GRIK2: variants seen among roughly 807,000 people sequenced by gnomAD.
GRIK2 encodes the protein glutamate ionotropic receptor kainate type subunit 2, also known as glutamate receptor ionotropic, kainate 2.
GRIK2 carries 32 observed loss-of-function variants against 100.3 expected under a neutral mutation model. That is an observed-to-expected ratio of 0.32 (90% CI 0.24 to 0.43). GRIK2 has a LOEUF of 0.43. GRIK2 is among the 20% of genes least tolerant of loss of function. GRIK2 has a pLI of 1.00. For synonymous variants in GRIK2, 417 were observed against 389.4 expected (o/e 1.07, Z -0.83); for missense variants, 843 against 1,114.9 (o/e 0.76, Z 3.47).
At position 101,970,232 on chromosome 6, in the gene GRIK2, G is replaced by T. The variant is rs559300286; in HGVS notation, c.2085+41600G>T. On this transcript the variant is annotated intron_variant, in intron 14 of 16. Coordinates refer to ENST00000369134, the MANE Select transcript of GRIK2 (RefSeq NM_021956.5). ...ATTTTTTTTTTTCTCTAGGATTTTTGGGGCAAAAATGTGGCCATCTCAAGC... is the reference window on the plus strand; with the variant it reads ...ATTTTTTTTTTTCTCTAGGATTTTTTGGGCAAAAATGTGGCCATCTCAAGC... 4.3e-3 allele frequency among the ~76,000 whole-genome samples: 645 copies of T among 149,026 alleles called. 1 individual carries two copies. The highest frequency in any genetic ancestry group is 6.1e-3 in the Non-Finnish European group (410 of 67,326).
intron 7 of GRIK2, among the ~76,000 whole-genome samples, chr6:101,760,361 T>C (rs1387182149): frequency 2.1e-5 from 2 of 97,052 alleles, no homozygotes; most frequent in Non-Finnish European, 3.6e-5. Context: ...TAATTATATT[T>C]AATTATATAT....
chr6:101,485,400 ACTTTTT>A (rs1449665862), intron 2 of GRIK2, among the ~76,000 whole-genome samples: 1 of 152,204 alleles, frequency 6.6e-6, no homozygotes, highest in Non-Finnish European at 1.5e-5. Flanking sequence ...TAACTTTAAT[ACTTTTT>A]CTTTAACCTT....
intron 14 of GRIK2, among the ~76,000 whole-genome samples, chr6:102,019,151 A>T (rs1769292126): frequency 6.6e-6 from 1 of 152,162 alleles, no homozygotes; most frequent in South Asian, 2.1e-4. Context: ...AGTCAAAATG[A>T]TGCATCAGCT....
At chr6:101,625,959 G>A (rs989080204) in intron 3 of GRIK2, among the ~76,000 whole-genome samples, 1 of 152,112 alleles carries the variant, frequency 6.6e-6, no homozygotes, top group African/African-American at 2.4e-5. Flanking sequence ...CTAATTGCAC[G>A]AGTAAAGGGG....
At chr6:101,973,656 G>A (rs1793193748) in intron 14 of GRIK2, among the ~76,000 whole-genome samples, 1 of 151,802 alleles carries the variant, frequency 6.6e-6, no homozygotes. Context: ...TAATTTTAAA[G>A]GATCAGGAAT....
intron 2 of GRIK2, among the ~76,000 whole-genome samples, chr6:101,563,978 A>T (rs990794743): frequency 6.6e-6 from 1 of 152,180 alleles, no homozygotes; most frequent in Non-Finnish European, 1.5e-5. Context: ...CTATTTTACC[A>T]TACTATTTAT....
At chr6:101,604,540 C>G (rs896283191) in intron 2 of GRIK2, among the ~76,000 whole-genome samples, 1 of 151,778 alleles carries the variant, frequency 6.6e-6, no homozygotes, top group Admixed American at 6.6e-5. Flanking sequence ...GTAAATACAG[C>G]CTTTGAGAAG....
At chr6:101,680,191 G>A (rs1251219050) in intron 5 of GRIK2, among the ~76,000 whole-genome samples, 1 of 152,142 alleles carries the variant, frequency 6.6e-6, no homozygotes, top group Non-Finnish European at 1.5e-5. Context: ...TGTAGCCATT[G>A]GAAATACATA....
intron 2 of GRIK2, among the ~76,000 whole-genome samples, chr6:101,547,696 C>T (rs1776312444): frequency 6.6e-6 from 1 of 152,116 alleles, no homozygotes; most frequent in Admixed American, 6.5e-5. Flanking sequence ...ATATGTGCCA[C>T]ATTTTCTTAA....
intron 2 of GRIK2, among the ~76,000 whole-genome samples, chr6:101,521,363 C>T (rs2128281502): frequency 6.6e-6 from 1 of 151,894 alleles, no homozygotes; most frequent in Non-Finnish European, 1.5e-5. Context: ...ATAAGCTAAT[C>T]CATACTTACA....
chr6:101,559,069 A>C (rs1455279542), intron 2 of GRIK2, among the ~76,000 whole-genome samples: 1 of 152,090 alleles, frequency 6.6e-6, no homozygotes, highest in African/African-American at 2.4e-5. Flanking sequence ...CCAGTCAGTC[A>C]TTCTCTTAAA....
At chr6:101,957,512 G>T (rs1417518238) in intron 14 of GRIK2, among the ~76,000 whole-genome samples, 2 of 151,058 alleles carry the variant, frequency 1.3e-5, no homozygotes, top group East Asian at 3.9e-4. Flanking sequence ...TTTTTACTGT[G>T]CAGACACTTT....
intron 2 of GRIK2, among the ~76,000 whole-genome samples, chr6:101,599,590 T>C (rs1322981719): frequency 1.3e-5 from 2 of 151,778 alleles, no homozygotes; most frequent in African/African-American, 4.8e-5. Flanking sequence ...TACTTTTTTA[T>C]AATAGCCATT....
At chr6:101,682,418 T>A (rs1372191010) in intron 5 of GRIK2, 135 bp from the exon 6 acceptor site, 1 of 609,420 alleles carries the variant, frequency 1.6e-6, no homozygotes. Context: ...AGATTTAGTT[T>A]AACCTAATTG....
At chr6:101,863,371 T>C (rs1379644414) in intron 11 of GRIK2, among the ~76,000 whole-genome samples, 3 of 152,154 alleles carry the variant, frequency 2.0e-5, no homozygotes, top group Non-Finnish European at 2.9e-5. Context: ...AGTTCTTTCC[T>C]CTTGTCAACT....
intron 10 of GRIK2, among the ~76,000 whole-genome samples, chr6:101,848,442 A>G (rs1783931121): frequency 6.6e-6 from 1 of 152,110 alleles, no homozygotes; most frequent in Non-Finnish European, 1.5e-5. Flanking sequence ...TTGAACCTCT[A>G]GTCTACATAT....
intron 7 of GRIK2, among the ~76,000 whole-genome samples, chr6:101,701,470 C>T (rs1772892277): frequency 6.6e-6 from 1 of 152,052 alleles, no homozygotes; most frequent in Non-Finnish European, 1.5e-5. Flanking sequence ...ATCAAATAAA[C>T]TTCTCAGATT....
chr6:101,643,481 T>C (rs1052235355), intron 4 of GRIK2, among the ~76,000 whole-genome samples: 1 of 151,758 alleles, frequency 6.6e-6, no homozygotes, highest in Admixed American at 6.6e-5. Context: ...AGACTATTCT[T>C]TTGTCATTTA....
chr6:102,058,318 G>A (rs1771566458), intron 16 of GRIK2, among the ~76,000 whole-genome samples: 1 of 151,624 alleles, frequency 6.6e-6, no homozygotes, highest in Admixed American at 6.6e-5. Context: ...TTAGTGCCTG[G>A]TGGCATAATA....
Sources: allele counts gnomAD v4.1 joint callset (sites outside exome capture counted in the v4.1 genomes callset), GRCh38; gene constraint gnomAD v4.1.1; transcripts MANE v1.5; gene names NCBI Gene and HGNC (gene_info 2026-07-23, HGNC 2026-07-21).